The following RANBP17 variants were observed in gnomAD, a reference collection of about 807,000 sequenced individuals.
RANBP17 encodes the protein RAN binding protein 17.
A neutral mutation model predicts 141.2 loss-of-function variants in RANBP17; 158 were observed. The ratio of observed to expected loss-of-function variants is 1.12; its 90% CI spans 0.98 to 1.28. The LOEUF is 1.28. RANBP17 is among the 50% of genes most tolerant of loss of function. The probability of loss-of-function intolerance (pLI) is 0.00; values close to 1 mark genes in which losing one functional copy is unlikely to be tolerated. For synonymous variants in RANBP17, 430 were observed against 450.0 expected, an observed-to-expected ratio of 0.96 and a Z score of 0.56; for missense variants, 1,438 against 1,290.7, an observed-to-expected ratio of 1.11 and a Z score of -1.75.
intron 14 of RANBP17, chr5:170,968,856 A>G: frequency 3.0e-6 from 1 of 335,084 alleles, no homozygotes; most frequent in Non-Finnish European, 5.7e-6. Context: ...TACTCATAGT[A>G]TGATAATTGA....
At chr5:171,061,735 A>G (rs1783873957) in intron 14 of RANBP17, among the ~76,000 whole-genome samples, 3 of 151,962 alleles carry the variant, frequency 2.0e-5, no homozygotes, top group Admixed American at 1.3e-4. Flanking sequence ...TTTCTCTCTC[A>G]TTGATCTGTC....
At chr5:171,030,226 A>T (rs563852867) in intron 14 of RANBP17, among the ~76,000 whole-genome samples, 5 of 152,216 alleles carry the variant, frequency 3.3e-5, no homozygotes, top group African/African-American at 1.2e-4. Context: ...TTTATTATTC[A>T]AAAACATCTA....
intron 14 of RANBP17, among the ~76,000 whole-genome samples, chr5:171,030,332 A>G (rs1226155302): frequency 6.6e-6 from 1 of 152,068 alleles, no homozygotes; most frequent in African/African-American, 2.4e-5. Context: ...AACCTAAATA[A>G]AGTAGTTATT....
In RANBP17 at chr5:171,251,979, A is replaced by G. The variant is rs188377674; in HGVS notation, c.2776+9159A>G. 1.0e-4 allele frequency: 164 copies of G among 1,609,638 alleles called. 1 individual carries two copies. In the East Asian group the frequency reaches 3.6e-3, roughly 36 times the overall value. ...GCTACTGCAATTCAGTTCTTCAAGC[A>G]CTTTATTTTTGTCGTCCATTTCGGG... On this transcript the variant is annotated intron_variant, in intron 24 of 27. Coordinates refer to ENST00000523189, the MANE Select transcript of RANBP17 (RefSeq NM_022897.5).
intron 25 of RANBP17, among the ~76,000 whole-genome samples, chr5:171,290,336 C>T (rs1033940011): frequency 2.0e-5 from 3 of 151,126 alleles, no homozygotes; most frequent in Admixed American, 2.0e-4. Flanking sequence ...CTATTGCACT[C>T]CAGCCTGGGC....
At chr5:170,928,294 C>T (rs775027845) in intron 12 of RANBP17, among the ~76,000 whole-genome samples, 38 of 151,964 alleles carry the variant, frequency 2.5e-4, no homozygotes, top group Non-Finnish European at 5.3e-4. Flanking sequence ...ACAAATATTT[C>T]CTCCCAGTCT....
intron 13 of RANBP17, among the ~76,000 whole-genome samples, chr5:170,954,207 TAAC>T (rs1775425806): frequency 6.6e-6 from 1 of 152,206 alleles, no homozygotes; most frequent in African/African-American, 2.4e-5. Context: ...TTATTTTTAA[TAAC>T]AAATCTCCTT....
chr5:171,296,264 A>G (rs532005966), intron 27 of RANBP17, among the ~76,000 whole-genome samples: 1 of 152,344 alleles, frequency 6.6e-6, no homozygotes, highest in South Asian at 2.1e-4. Context: ...GCAGTTTACA[A>G]TTCAACAGGA....
In RANBP17 at chr5:170,919,751, A is replaced by G. The variant is rs1415151657; in HGVS notation, c.1274+138A>G. Reference sequence around the variant, plus strand: ...GACAAGTGCACACAATTGTATAACTACCATCACAATTGAGATATAGATTAG... The same window carrying G: ...GACAAGTGCACACAATTGTATAACTGCCATCACAATTGAGATATAGATTAG... On this transcript the variant is annotated intron_variant, in intron 11 of 27. Coordinates refer to ENST00000523189, the MANE Select transcript of RANBP17 (RefSeq NM_022897.5). 6.3e-5 allele frequency: 37 copies of G among 583,870 alleles called. No individual in the cohort carries two copies. In the East Asian group the frequency reaches 9.9e-4, roughly 16 times the overall value. 36.2% of individuals were successfully genotyped at this position (583,870 alleles called of 1,614,324 possible). A position where few individuals can be genotyped will look rare whatever the true frequency, so the allele number is the denominator to read the frequency against.
chr5:171,144,400 A>T (rs1757903382), intron 14 of RANBP17, among the ~76,000 whole-genome samples: 1 of 152,096 alleles, frequency 6.6e-6, no homozygotes, highest in Admixed American at 6.5e-5. Flanking sequence ...GAAATAAGGT[A>T]AGAAATAGGG....
chr5:171,099,405 G>A (rs1017616312), intron 14 of RANBP17, among the ~76,000 whole-genome samples: 3 of 151,020 alleles, frequency 2.0e-5, no homozygotes, highest in Non-Finnish European at 4.5e-5. Context: ...TCATGATTTG[G>A]CTGATATTGG....
At chr5:170,946,569 G>A (rs1336930896) in intron 12 of RANBP17, among the ~76,000 whole-genome samples, 2 of 152,184 alleles carry the variant, frequency 1.3e-5, no homozygotes, top group Non-Finnish European at 2.9e-5. Context: ...AGCAAATACC[G>A]AACCATTGCT....
intron 14 of RANBP17, among the ~76,000 whole-genome samples, chr5:171,045,413 T>C (rs893075419): frequency 6.6e-6 from 1 of 152,148 alleles, no homozygotes; most frequent in Non-Finnish European, 1.5e-5. Flanking sequence ...TTGATTGTTA[T>C]TTTAAAGCTG....
chr5:171,179,759 T>C (rs1760761613), intron 16 of RANBP17, among the ~76,000 whole-genome samples: 2 of 152,090 alleles, frequency 1.3e-5, no homozygotes, highest in Non-Finnish European at 2.9e-5. Flanking sequence ...ATTATAGTGG[T>C]TTTTTTGTTT....
At chr5:170,910,534 A>G (rs2127420603) in intron 6 of RANBP17, 1 of 160,142 alleles carries the variant, frequency 6.2e-6, no homozygotes, top group Admixed American at 6.2e-5. Context: ...AACAGTAGCA[A>G]CTCATGGCCA....
intron 14 of RANBP17, among the ~76,000 whole-genome samples, chr5:171,056,644 T>C (rs1187562874): frequency 2.0e-5 from 3 of 152,180 alleles, no homozygotes; most frequent in Non-Finnish European, 4.4e-5. Context: ...ATAAGCCCTA[T>C]ATGTCACTTT....
rs1758933356 is a variant in RANBP17, at chr5:171,156,777, T to TG, written c.1711-13350dup. On this transcript the variant is annotated intron_variant, in intron 14 of 27. Coordinates refer to ENST00000523189, the MANE Select transcript of RANBP17 (RefSeq NM_022897.5). Reference sequence around the variant, plus strand: ...AATGGCACACAAGGTGCACATTTTGTGGGAAAAAAAGTCTTTTTTTAAAGA... The same window carrying TG: ...AATGGCACACAAGGTGCACATTTTGTGGGGAAAAAAAGTCTTTTTTTAAAGA... Among the ~76,000 whole-genome samples the TG allele has an allele frequency of 2.6e-5, 4 of 152,272 alleles. No individual in the cohort carries two copies. The Middle Eastern group carries it at 0.01, about 388-fold the overall frequency.
intron 14 of RANBP17, among the ~76,000 whole-genome samples, chr5:170,996,017 C>CA (rs1371847627): frequency 1.3e-5 from 2 of 151,524 alleles, no homozygotes; most frequent in African/African-American, 4.9e-5. Context: ...AGCCTGGCAA[C>CA]ATAGGAGAAA....
chr5:171,281,963 T>C (rs1767888104), intron 25 of RANBP17, among the ~76,000 whole-genome samples: 1 of 152,104 alleles, frequency 6.6e-6, no homozygotes, highest in South Asian at 2.1e-4. Context: ...CCCCTTGCAT[T>C]GCAGAGAGCC....
Sources: gnomAD v4.1 joint callset for allele counts (sites outside exome capture counted in the v4.1 genomes callset) on GRCh38, gnomAD v4.1.1 for gene constraint, MANE v1.5 for transcripts, NCBI Gene and HGNC (gene_info 2026-07-23, HGNC 2026-07-21) for gene names.